The following FMN2 variants were observed in gnomAD, a reference collection of about 807,000 sequenced individuals.
FMN2 encodes the protein formin 2.
Under a neutral mutation model 142.3 loss-of-function variants are expected in FMN2, and 51 were observed. The observed-to-expected ratio is 0.36, with a 90% CI of 0.29 to 0.45. The LOEUF (loss-of-function observed/expected upper bound fraction) is 0.45. Ranked by LOEUF, FMN2 falls within the 20% of genes least tolerant of loss-of-function variation. FMN2 has a pLI of 1.00. For synonymous variants in FMN2, 882 were observed against 869.8 expected (o/e 1.01, Z -0.25); for missense variants, 1,936 against 2,122.8 (o/e 0.91, Z 1.73).
intron 6 of FMN2, among the ~76,000 whole-genome samples, chr1:240,247,851 A>G (rs1007411813): frequency 5.9e-5 from 9 of 152,150 alleles, no homozygotes; most frequent in African/African-American, 2.2e-4. Flanking sequence ...ATGATACATC[A>G]TATTTATACA....
chr1:240,271,098 GTTTT>G lies in FMN2; in HGVS notation c.4153+13082_4153+13085del, dbSNP rs56686860. ...ACCCCCCTAGGAACTTTCCACGATGGTTTTTTTTTTTTTTTTTTTGTGACTCTGT... is the reference window on the plus strand; with the variant it reads ...ACCCCCCTAGGAACTTTCCACGATGGTTTTTTTTTTTTTTTGTGACTCTGT... On this transcript the variant is annotated intron_variant, in intron 7 of 17. Transcript: ENST00000319653. Among the ~76,000 whole-genome samples the G allele has an allele frequency of 9.4e-4, 68 of 72,234 alleles. 1 individual carries two copies. Among genetic ancestry groups the G allele is most frequent in the African/African-American group, 3.6e-3 (55 of 15,108 alleles). 47.4% of individuals were successfully genotyped at this position (72,234 alleles called of 152,430 possible). A position where few individuals can be genotyped will look rare whatever the true frequency, so the allele number is the denominator to read the frequency against.
At chr1:240,382,242 G>C (rs1673249295) in intron 14 of FMN2, among the ~76,000 whole-genome samples, 1 of 152,070 alleles carries the variant, frequency 6.6e-6, no homozygotes, top group Non-Finnish European at 1.5e-5. Flanking sequence ...ATACACAGAA[G>C]TAAAACACCT....
At chr1:240,306,822 C>A (rs923479246) in intron 8 of FMN2, among the ~76,000 whole-genome samples, 1 of 152,196 alleles carries the variant, frequency 6.6e-6, no homozygotes, top group Admixed American at 6.5e-5. Context: ...GGGAAATCTC[C>A]AAACTGCTGT....
At position 240,170,866 on chromosome 1, in the gene FMN2, A is replaced by G. The variant is rs79099314; in HGVS notation, c.1783-7055A>G. On this transcript the variant is annotated intron_variant, in intron 2 of 17. Transcript: ENST00000319653. ...CCATCAAGATAAATTTCCAAGGGCT[A>G]AAGAGTTTGGAGCCACTGAATGTAT... The G allele has an allele frequency of 0.013, 10,511 of 810,954 alleles. 754 individuals are homozygous for G. In the African/African-American group the frequency reaches 0.15, roughly 12 times the overall value. The allele number at this position is 810,954 out of a possible 1,614,324, so 50.2% of individuals were successfully genotyped here. A position where few individuals can be genotyped will look rare whatever the true frequency, so the allele number is the denominator to read the frequency against.
chr1:240,411,570 C>CA (rs757715188), intron 15 of FMN2, among the ~76,000 whole-genome samples: 1,140 of 103,578 alleles, frequency 0.011, 7 homozygotes, highest in African/African-American at 0.035. Flanking sequence ...GACTCCATCT[C>CA]AAAAAAAAAA....
At chr1:240,180,122 T>C in intron 3 of FMN2, 5 of 1,227,920 alleles carry the variant, frequency 4.1e-6, no homozygotes, top group Non-Finnish European at 5.4e-6. Flanking sequence ...GAGCAAGTGA[T>C]TTTTAATGAA....
chr1:240,189,689 G>C (rs1328969324), intron 4 of FMN2, among the ~76,000 whole-genome samples: 1 of 152,210 alleles, frequency 6.6e-6, no homozygotes, highest in Admixed American at 6.5e-5. Flanking sequence ...ATTGTTATGG[G>C]AGCAGAGGGC....
intron 6 of FMN2, among the ~76,000 whole-genome samples, chr1:240,219,002 C>G (rs1667008961): frequency 6.6e-6 from 1 of 151,980 alleles, no homozygotes; most frequent in South Asian, 2.1e-4. Context: ...TGAAATGGGC[C>G]TTGAAGAATT....
At chr1:240,148,525 C>T (rs1233745304) in intron 2 of FMN2, among the ~76,000 whole-genome samples, 2 of 151,974 alleles carry the variant, frequency 1.3e-5, no homozygotes, top group East Asian at 1.9e-4. Context: ...GAGAGAGAGA[C>T]TGAGACTGAG....
intron 14 of FMN2, among the ~76,000 whole-genome samples, chr1:240,371,633 C>T (rs1000563952): frequency 6.6e-6 from 1 of 152,158 alleles, no homozygotes; most frequent in African/African-American, 2.4e-5. Flanking sequence ...AGAAGTAAAT[C>T]GTCATAACAT....
chr1:240,184,521 T>TTC (rs1011445109), intron 3 of FMN2, among the ~76,000 whole-genome samples: 2 of 150,750 alleles, frequency 1.3e-5, no homozygotes, highest in African/African-American at 2.4e-5. Context: ...CGGCCTGTTT[T>TTC]TTTTTTTTTT....
intron 7 of FMN2, among the ~76,000 whole-genome samples, chr1:240,262,365 C>A (rs1170459131): frequency 6.6e-6 from 1 of 152,026 alleles, no homozygotes; most frequent in African/African-American, 2.4e-5. Context: ...TCTTTGACGT[C>A]CTTATGATAT....
chr1:240,121,044 C>T (rs1164213460), intron 1 of FMN2, among the ~76,000 whole-genome samples: 1 of 152,116 alleles, frequency 6.6e-6, no homozygotes, highest in East Asian at 1.9e-4. Flanking sequence ...GCCTGTAGTC[C>T]CAGCTACTTG....
In FMN2 at chr1:240,151,281, C is replaced by G. The variant is rs147776255; in HGVS notation, c.1783-26640C>G. Among the ~76,000 whole-genome samples, 11 of 152,256 alleles carry G rather than the reference C, an allele frequency of 7.2e-5. 1 individual carries two copies. The East Asian group carries it at 1.4e-3, about 19-fold the overall frequency. ...GGTGAGTCAGTGCCCATTCTAAGCA[C>G]CAACAAGTCACCCTAGTCTATAAGT... is the stretch of plus-strand genomic sequence containing the variant. On this transcript the variant is annotated intron_variant, in intron 2 of 17. Transcript: ENST00000319653.
chr1:240,329,455 A>G lies in FMN2; in HGVS notation c.4424A>G (p.Gln1475Arg), dbSNP rs1259343590. The G allele has an allele frequency of 1.2e-6, 2 of 1,613,822 alleles. No homozygotes were observed. The highest frequency in any genetic ancestry group is 1.7e-6 in the Non-Finnish European group (2 of 1,179,938). ...ATTCGTCGCAAACTGGAATTACTAC[A>G]GAAATTGTGTGAGGTGAGTTCTGGT... The part of the protein sequence containing the change: ...CSIRRKLELL[Q>R]KLCETLKNGP... The change falls in exon 10 of 18, where the codon CAG (glutamine) becomes CGG (arginine). Residue 1475 changes from glutamine to arginine, a missense_variant. Gln to Arg is a conservative substitution (Grantham distance 43). This residue lies in a region of FMN2 where 322 missense variants were observed against 401.6 expected (regional missense o/e 0.80). Coordinates refer to ENST00000319653, the MANE Select transcript of FMN2 (RefSeq NM_020066.5).
At chr1:240,324,862 A>G (rs2103006103) in intron 8 of FMN2, among the ~76,000 whole-genome samples, 1 of 152,328 alleles carries the variant, frequency 6.6e-6, no homozygotes, top group South Asian at 2.1e-4. Flanking sequence ...TACTTAAATA[A>G]TGAATATTCA....
At chr1:240,435,408 A>G (rs1047308796) in intron 15 of FMN2, among the ~76,000 whole-genome samples, 5 of 151,928 alleles carry the variant, frequency 3.3e-5, no homozygotes, top group East Asian at 1.9e-4. Context: ...ATCTTCAGAG[A>G]ACATGATCAC....
chr1:240,262,351 C>T (rs146214861), intron 7 of FMN2, among the ~76,000 whole-genome samples: 19 of 152,116 alleles, frequency 1.2e-4, no homozygotes, highest in African/African-American at 4.6e-4. Context: ...TATATCTTGT[C>T]AGCTCTTTGA....
chr1:240,215,590 T>C (rs983469050), intron 6 of FMN2, among the ~76,000 whole-genome samples: 2 of 152,220 alleles, frequency 1.3e-5, no homozygotes, highest in African/African-American at 2.4e-5. Context: ...TTAAATACTT[T>C]AAAAAAAGAA....
Sources: allele counts gnomAD v4.1 joint callset (sites outside exome capture counted in the v4.1 genomes callset), GRCh38; gene constraint gnomAD v4.1.1; regional missense constraint gnomAD v4.1.1; transcripts MANE v1.5; gene names NCBI Gene and HGNC (gene_info 2026-07-23, HGNC 2026-07-21).